The following PRDM15 variants were observed in gnomAD, a reference collection of about 807,000 sequenced individuals.
PRDM15 encodes the protein PR domain zinc finger protein 15.
In PRDM15, 64 loss-of-function variants were observed where a neutral mutation model predicts 128.6. That is an observed-to-expected ratio of 0.50 (90% CI 0.41 to 0.61). The LOEUF (loss-of-function observed/expected upper bound fraction) is 0.61, where lower values mean the gene tolerates loss of function less well. Among genes scored for constraint, PRDM15 ranks in the 20% least tolerant of loss-of-function variants. PRDM15 has a pLI of 0.00. For missense variants in PRDM15, 1,242 were observed against 1,569.1 expected (o/e 0.79, Z 3.52); for synonymous variants, 615 against 621.8 (o/e 0.99, Z 0.16).
chr21:41,874,582 C>T (rs2064343654), intron 1 of PRDM15, among the ~76,000 whole-genome samples: 1 of 141,196 alleles, frequency 7.1e-6, no homozygotes, highest in South Asian at 2.2e-4. Context: ...TACGAGACAC[C>T]TGAAACACCC....
At chr21:41,815,319 C>A (rs548419498) in intron 19 of PRDM15, among the ~76,000 whole-genome samples, 1 of 152,344 alleles carries the variant, frequency 6.6e-6, no homozygotes, top group South Asian at 2.1e-4. Flanking sequence ...GAGGCCACGT[C>A]TGACCTTCCA....
intron 12 of PRDM15, 104 bp from the exon 13 acceptor site, chr21:41,826,158 C>T: frequency 1.1e-6 from 1 of 870,492 alleles, no homozygotes; most frequent in East Asian, 2.5e-5. Flanking sequence ...CACGGGAGGA[C>T]AGGGCTGCCC....
In PRDM15 at chr21:41,847,179, G is replaced by T; in HGVS notation, c.551C>A (p.Pro184Gln). The change falls in exon 6 of 24, where the codon CCA (proline) becomes CAA (glutamine). Residue 184 changes from proline to glutamine, a missense_variant. Transcript: ENST00000398548. ...CGACTCCACGGGGGCGCTGTTTTCT[G>T]GGGTGCCTGCAGCTTCAAAAGACAT... ...AGSGVHAAGT[P>Q]ENSAPVESEP... 1 of 1,552,414 alleles carries T rather than the reference G, an allele frequency of 6.4e-7. No homozygotes were observed. The highest frequency in any genetic ancestry group is 2.4e-5 in the East Asian group (1 of 41,338).
At chr21:41,853,063 G>A (rs2063477403) in intron 5 of PRDM15, among the ~76,000 whole-genome samples, 1 of 152,248 alleles carries the variant, frequency 6.6e-6, no homozygotes, top group Admixed American at 6.5e-5. Flanking sequence ...CCCTCAGGGT[G>A]CCCAGAAGGG....
At chr21:41,806,035 A>T (rs941943766) in intron 21 of PRDM15, among the ~76,000 whole-genome samples, 1 of 139,960 alleles carries the variant, frequency 7.1e-6, no homozygotes, top group Non-Finnish European at 1.6e-5. Context: ...CACCACCATC[A>T]CCACCACCAT....
At chr21:41,867,168 C>G in intron 1 of PRDM15, 1 of 669,622 alleles carries the variant, frequency 1.5e-6, no homozygotes. Flanking sequence ...CTGAGTTTTG[C>G]ACAGATTTTC....
rs1351544344 is a variant in PRDM15, at chr21:41,799,265, T to TA, written c.*1974dup. The TA allele has an allele frequency of 5.9e-5, 9 of 152,194 alleles. No individual in the cohort carries two copies. The highest frequency in any genetic ancestry group is 7.3e-5 in the Non-Finnish European group (5 of 68,034). The allele number at this position is 152,194 out of a possible 1,614,324, so 9.4% of individuals were successfully genotyped here. On this transcript the variant is annotated 3_prime_UTR_variant, in exon 24 of 24. Coordinates refer to ENST00000398548, the MANE Select transcript of PRDM15 (RefSeq NM_001040424.3). Reference sequence around the variant, plus strand: ...TTCTGCAAAGGCAAAAAGAAATCGATACTGATTTTTAAAAATATATCTTAG... The same window carrying TA: ...TTCTGCAAAGGCAAAAAGAAATCGATAACTGATTTTTAAAAATATATCTTAG...
Position 41,828,597 on chromosome 21 carries a change from G to A in PRDM15, c.1367-264C>T, listed in dbSNP as rs950756573. Among the ~76,000 whole-genome samples, 6 of 151,660 alleles carry A rather than the reference G, an allele frequency of 4.0e-5. No homozygotes were observed. The highest frequency in any genetic ancestry group is 2.0e-4 in the East Asian group (1 of 5,098). On this transcript the variant is annotated intron_variant, in intron 11 of 23. Coordinates refer to ENST00000398548, the MANE Select transcript of PRDM15 (RefSeq NM_001040424.3). The surrounding 1 kb of genome is among the most constrained non-coding windows in gnomAD (Gnocchi z 5.7). ...AAGCAACGCCAGCCGCCTCCCTCCCGGGCCACCCTGCCCCACAGCACCTGG... is the reference window on the plus strand; with the variant it reads ...AAGCAACGCCAGCCGCCTCCCTCCCAGGCCACCCTGCCCCACAGCACCTGG...
Position 41,800,043 on chromosome 21 carries a change from T to C in PRDM15, c.*1197A>G, listed in dbSNP as rs1312443470. On this transcript the variant is annotated 3_prime_UTR_variant, in exon 24 of 24. Transcript: ENST00000398548. ...TAGGGGCAATTAATGCTTCTATTAG[T>C]GAACTAACCTCTCTGCTTTCATTAC... 6.6e-6 allele frequency: 1 copy of C among 152,364 alleles called. No individual in the cohort carries two copies. Among genetic ancestry groups the C allele is most frequent in the East Asian group, 1.9e-4 (1 of 5,186 alleles). 9.4% of individuals were successfully genotyped at this position (152,364 alleles called of 1,614,324 possible).
intron 1 of PRDM15, chr21:41,871,724 A>T: frequency 7.6e-7 from 1 of 1,320,490 alleles, no homozygotes; most frequent in Non-Finnish European, 1.0e-6. Context: ...CTCTGTTGTT[A>T]CCACTGACAG....
rs2062572201 is a variant in PRDM15 at position 41,828,932 on chromosome 21, C to T, written c.1367-599G>A. 6.6e-6 allele frequency among the ~76,000 whole-genome samples: 1 copy of T among 151,280 alleles called. No homozygotes were observed. Among genetic ancestry groups the T allele is most frequent in the Admixed American group, 6.6e-5 (1 of 15,178 alleles). On this transcript the variant is annotated intron_variant, in intron 11 of 23. Transcript: ENST00000398548. The surrounding 1 kb of genome is among the most constrained non-coding windows in gnomAD (Gnocchi z 5.7). ...AATACAAACACACTCAACACACACC[C>T]CCCACACAAATACACAATCACACAC... is the stretch of plus-strand genomic sequence containing the variant.
chr21:41,819,760 A>T, intron 17 of PRDM15, 59 bp from the exon 18 acceptor site: 1 of 1,547,194 alleles, frequency 6.5e-7, no homozygotes, highest in Non-Finnish European at 8.7e-7. Flanking sequence ...AGTGGCTGCA[A>T]AGAGGATGCA....
intron 6 of PRDM15, among the ~76,000 whole-genome samples, chr21:41,842,677 G>C (rs887991740): frequency 1.3e-5 from 2 of 152,064 alleles, no homozygotes; most frequent in African/African-American, 2.4e-5. Context: ...TTTTAGTAGA[G>C]ACAGGGTTTC....
Position 41,802,816 on chromosome 21 carries a change from G to C in PRDM15, c.2839C>G (p.Pro947Ala), listed in dbSNP as rs1378281861. ...KQKPEEEAGA[P>A]VPEDATFSEY... Reference sequence around the variant, plus strand: ...CTGAAGGTGGCGTCCTCGGGCACCGGAGCACCCGCCTCCTCTTCTGGCTTC... The same window carrying C: ...CTGAAGGTGGCGTCCTCGGGCACCGCAGCACCCGCCTCCTCTTCTGGCTTC... The change falls in exon 23 of 24, where the codon CCG becomes GCG. Residue 947 changes from proline (P) to alanine (A), a missense_variant. Pro to Ala is a conservative substitution (Grantham distance 27). Transcript: ENST00000398548. The C allele has an allele frequency of 3.1e-6, 5 of 1,614,156 alleles. 1 individual carries two copies. In the South Asian group the frequency reaches 5.5e-5, roughly 18 times the overall value.
chr21:41,851,798 C>A (rs755137926), intron 5 of PRDM15, among the ~76,000 whole-genome samples: 1 of 152,140 alleles, frequency 6.6e-6, no homozygotes, highest in Admixed American at 6.5e-5. Context: ...ATGTTCACTA[C>A]CTCTCCAGAA....
intron 6 of PRDM15, among the ~76,000 whole-genome samples, chr21:41,842,159 A>G (rs1420557765): frequency 6.6e-6 from 1 of 152,262 alleles, no homozygotes; most frequent in Non-Finnish European, 1.5e-5. Context: ...TGAAAAGACT[A>G]ATGATATTGA....
chr21:41,878,836 G>C, intron 1 of PRDM15: 1 of 922,350 alleles, frequency 1.1e-6, no homozygotes, highest in Non-Finnish European at 1.2e-6. Flanking sequence ...GGGCCGCGGG[G>C]CCGCGGGCCG....
intron 1 of PRDM15, among the ~76,000 whole-genome samples, chr21:41,869,691 C>A (rs1269228100): frequency 6.6e-6 from 1 of 152,222 alleles, no homozygotes; most frequent in Non-Finnish European, 1.5e-5. Context: ...AGCCATTTAT[C>A]CACCTCGGCC....
rs778765604 is a variant in PRDM15 at position 41,801,633 on chromosome 21, C to T, written c.3033G>A (p.Ala1011=). Residue 1011 remains alanine, a synonymous_variant, in exon 24 of 24, where the codon GCG becomes GCA. Coordinates refer to ENST00000398548, the MANE Select transcript of PRDM15 (RefSeq NM_001040424.3). ...TNITVTPITT[A]AATQFTNLQP... ...GGAGATTGGTAAACTGAGTCGCGGC[C>T]GCAGTGGTGATGGGGGTCACGGTGA... 1.3e-5 allele frequency: 21 copies of T among 1,614,112 alleles called. No individual in the cohort carries two copies. The highest frequency in any genetic ancestry group is 1.7e-5 in the Admixed American group (1 of 60,006).
Sources: allele counts gnomAD v4.1 joint callset (sites outside exome capture counted in the v4.1 genomes callset), GRCh38; gene constraint gnomAD v4.1.1; non-coding constraint Gnocchi (gnomAD v3.1); transcripts MANE v1.5; gene names NCBI Gene and HGNC (gene_info 2026-07-23, HGNC 2026-07-21).